HHIPL1: variants seen among roughly 807,000 people sequenced by gnomAD.
HHIPL1 encodes HHIP-like protein 1.
HHIPL1 carries 43 observed loss-of-function variants against 61.8 expected under a neutral mutation model. The ratio of observed to expected loss-of-function variants is 0.70; its 90% CI spans 0.55 to 0.90. HHIPL1 has a LOEUF of 0.90. Among genes scored for constraint, HHIPL1 ranks in the 40% least tolerant of loss-of-function variants. The pLI is 0.00. For missense variants in HHIPL1, 1,056 were observed against 1,157.7 expected, an observed-to-expected ratio of 0.91 and a Z score of 1.28; for synonymous variants, 482 against 515.8, an observed-to-expected ratio of 0.93 and a Z score of 0.89.
At position 99,675,777 on chromosome 14, in the gene HHIPL1, TG is replaced by T; in HGVS notation, c.*152del. ...TGGGGACATGTGTGAGGCGCTGCAG[TG>T]CATGTGTGTCCTCTGCAGACCCAAG... On this transcript the variant is annotated 3_prime_UTR_variant, in exon 9 of 9. Transcript: ENST00000330710. This position sits in a 1 kb window ranked among gnomAD's most constrained non-coding sequence, Gnocchi z 5.4. 1.4e-6 allele frequency: 1 copy of T among 736,378 alleles called. No homozygotes were observed. Among genetic ancestry groups the T allele is most frequent in the Non-Finnish European group, 2.1e-6 (1 of 481,346 alleles). The allele number at this position is 736,378 out of a possible 1,614,324, so 45.6% of individuals were successfully genotyped here.
the HHIPL1 span, among the ~76,000 whole-genome samples, chr14:99,634,180 T>C: frequency 6.6e-6 from 1 of 152,154 alleles, no homozygotes; most frequent in Non-Finnish European, 1.5e-5. Flanking sequence ...TCAGGGCTTC[T>C]GAGCAGCGAG....
chr14:99,660,213 A>C lies in HHIPL1; in HGVS notation c.1376-67A>C. ...CCCCACCCCCGCGGAATCCCTCCGG[A>C]ATTCTCCTGGCTGATGAACCTTCCC... On this transcript the variant is annotated intron_variant, in intron 4 of 8. Transcript: ENST00000330710. This position sits in a 1 kb window ranked among gnomAD's most constrained non-coding sequence, Gnocchi z 4.9. 1 of 1,583,468 alleles carries C rather than the reference A, an allele frequency of 6.3e-7. No homozygotes were observed. The highest frequency in any genetic ancestry group is 1.1e-5 in the South Asian group (1 of 89,334).
At chr14:99,651,441 G>A (rs547971357) in intron 1 of HHIPL1, among the ~76,000 whole-genome samples, 20 of 152,264 alleles carry the variant, frequency 1.3e-4, no homozygotes, top group African/African-American at 4.3e-4. Context: ...GTCTCATGAC[G>A]ACAGCAGCAG....
At chr14:99,665,802 G>A (rs2056235717) in intron 6 of HHIPL1, among the ~76,000 whole-genome samples, 2 of 152,028 alleles carry the variant, frequency 1.3e-5, no homozygotes, top group South Asian at 4.2e-4. Context: ...TTTGTTTTGA[G>A]ACAGGGTCTC....
intron 6 of HHIPL1, among the ~76,000 whole-genome samples, chr14:99,663,691 C>T (rs1394947805): frequency 6.6e-6 from 1 of 152,166 alleles, no homozygotes; most frequent in East Asian, 1.9e-4. Flanking sequence ...AGGCATCTGA[C>T]ACCTCCTCAT....
chr14:99,626,175 C>A, the HHIPL1 span, among the ~76,000 whole-genome samples: 1 of 152,148 alleles, frequency 6.6e-6, no homozygotes, highest in African/African-American at 2.4e-5. Context: ...GTGGCTGTGA[C>A]ATTCCTGTGA....
intron 1 of HHIPL1, among the ~76,000 whole-genome samples, chr14:99,646,794 TATGATATGATATGATATGATATG>T (rs2055842369): frequency 9.3e-6 from 1 of 107,106 alleles, no homozygotes; most frequent in Non-Finnish European, 2.0e-5. Context: ...TATAATATAA[TATGATATGATATGATATGATATG>T]ATATGATATG....
chr14:99,652,087 G>A, intron 1 of HHIPL1, 137 bp from the exon 2 acceptor site: 1 of 740,556 alleles, frequency 1.4e-6, no homozygotes, highest in Non-Finnish European at 2.2e-6. Context: ...GGCTTATCGT[G>A]GTAACAGGCA....
At chr14:99,607,451 AC>A in the HHIPL1 span, among the ~76,000 whole-genome samples, 1 of 150,992 alleles carries the variant, frequency 6.6e-6, no homozygotes. Flanking sequence ...CCAACATTCT[AC>A]CCCCCTTTTT....
the HHIPL1 span, among the ~76,000 whole-genome samples, chr14:99,621,241 G>A: frequency 1.3e-5 from 2 of 152,186 alleles, no homozygotes; most frequent in Non-Finnish European, 2.9e-5. Flanking sequence ...TGGGGCTACA[G>A]GCAGGTACCA....
In HHIPL1 at chr14:99,668,786, A is replaced by G. The variant is rs2056289576; in HGVS notation, c.1730+483A>G. The G allele has an allele frequency of 6.2e-7, 1 of 1,607,288 alleles. No homozygotes were observed. Among genetic ancestry groups the G allele is most frequent in the Non-Finnish European group, 8.5e-7 (1 of 1,178,976 alleles). On this transcript the variant is annotated intron_variant, in intron 7 of 8. Transcript: ENST00000330710. This position sits in a 1 kb window ranked among gnomAD's most constrained non-coding sequence, Gnocchi z 4.7. ...GTCCATCTTCCACTGGGGAAAACAC[A>G]TTGGGGCTCCCTTCGCCGGCTCCAT...
Position 99,668,935 on chromosome 14 carries a change from A to G in HHIPL1, c.1730+632A>G. ...TTTACAGTGGTGGAAATGAGCACAAAGACACGAAGTCATGGGCCTGGGGCC... is the reference window on the plus strand; with the variant it reads ...TTTACAGTGGTGGAAATGAGCACAAGGACACGAAGTCATGGGCCTGGGGCC... On this transcript the variant is annotated intron_variant, in intron 7 of 8. Transcript: ENST00000330710. This position sits in a 1 kb window ranked among gnomAD's most constrained non-coding sequence, Gnocchi z 4.7. The G allele has an allele frequency of 6.2e-7, 1 of 1,610,918 alleles. No homozygotes were observed. The highest frequency in any genetic ancestry group is 8.5e-7 in the Non-Finnish European group (1 of 1,177,526).
Position 99,652,634 on chromosome 14 carries a change from G to T in HHIPL1, c.666G>T (p.Leu222=). The T allele has an allele frequency of 6.2e-7, 1 of 1,613,472 alleles. No individual in the cohort carries two copies. The highest frequency in any genetic ancestry group is 1.1e-5 in the South Asian group (1 of 91,010). Residue 222 remains leucine, a synonymous_variant, in exon 2 of 9, where the codon CTG becomes CTT. Transcript: ENST00000330710. ...AGGTGGGGCTGGTGTGGGCCTACCT[G>T]CCCGACCGCTCGAGGCTGGGGAAGC... The part of the protein sequence containing the change: ...AEQVGLVWAY[L]PDRSRLGKPF...
chr14:99,652,759 G>A lies in HHIPL1; in HGVS notation c.791G>A (p.Arg264His), dbSNP rs369853485. 7.1e-5 allele frequency: 114 copies of A among 1,613,984 alleles called. No individual in the cohort carries two copies. The highest frequency in any genetic ancestry group is 8.3e-5 in the Non-Finnish European group (98 of 1,180,022). ...IAFHPSFQHN[R>H]RLYVYYSVGI... ...TTCCACCCCAGCTTCCAGCACAACC[G>A]CAGGCTCTACGTCTACTACTCAGTG... Residue 264 changes from arginine (R) to histidine (H), a missense_variant, in exon 2 of 9, where the codon CGC becomes CAC. Physicochemically the swap from Arg to His is conservative, Grantham distance 29. Transcript: ENST00000330710.
chr14:99,627,614 T>C, the HHIPL1 span, among the ~76,000 whole-genome samples: 5 of 152,168 alleles, frequency 3.3e-5, no homozygotes, highest in Non-Finnish European at 2.9e-5. The surrounding 1 kb of genome is among the most constrained non-coding windows in gnomAD (Gnocchi z 4.4). Context: ...GGGTAACAAG[T>C]GCTCTGGAAG....
upstream of HHIPL1, among the ~76,000 whole-genome samples, chr14:99,642,589 A>G (rs750948662): frequency 6.0e-5 from 9 of 150,770 alleles, no homozygotes; most frequent in African/African-American, 9.8e-5. Flanking sequence ...GCAGTGGCGC[A>G]ATCTTAGCTG....
chr14:99,660,168 C>T lies in HHIPL1; in HGVS notation c.1376-112C>T. ...GGGCACGCCAGCCCTGCTGTGGGCACGCCCCTCCCTCCGTGGCCGCCCCAC... is the reference window on the plus strand; with the variant it reads ...GGGCACGCCAGCCCTGCTGTGGGCATGCCCCTCCCTCCGTGGCCGCCCCAC... On this transcript the variant is annotated intron_variant, in intron 4 of 8. Transcript: ENST00000330710. The surrounding 1 kb of genome is among the most constrained non-coding windows in gnomAD (Gnocchi z 4.9). 7.7e-7 allele frequency: 1 copy of T among 1,305,862 alleles called. No individual in the cohort carries two copies. The highest frequency in any genetic ancestry group is 2.0e-5 in the Admixed American group (1 of 49,870). 80.9% of individuals were successfully genotyped at this position (1,305,862 alleles called of 1,614,324 possible).
At chr14:99,646,984 T>C (rs1273611381) in intron 1 of HHIPL1, among the ~76,000 whole-genome samples, 1 of 152,158 alleles carries the variant, frequency 6.6e-6, no homozygotes. Context: ...TCTCGAGGGC[T>C]TCCTTGGCCC....
At chr14:99,645,502 G>A in intron 1 of HHIPL1, 40 bp downstream of exon 1, 1 of 1,259,288 alleles carries the variant, frequency 7.9e-7, no homozygotes, top group Non-Finnish European at 9.9e-7. Flanking sequence ...CGGGGCGCGG[G>A]AGGCCGAGTC....
Sources: gnomAD v4.1 joint callset for allele counts (sites outside exome capture counted in the v4.1 genomes callset) on GRCh38, gnomAD v4.1.1 for gene constraint, Gnocchi (gnomAD v3.1) non-coding constraint, MANE v1.5 for transcripts, NCBI Gene and HGNC (gene_info 2026-07-23, HGNC 2026-07-21) for gene names.